ADGRL2: variants seen among roughly 807,000 people sequenced by gnomAD.
ADGRL2 encodes the protein adhesion G protein-coupled receptor L2.
A neutral mutation model predicts 157.4 loss-of-function variants in ADGRL2; 44 were observed. That is an observed-to-expected ratio of 0.28 (90% CI 0.22 to 0.36). ADGRL2 has a LOEUF of 0.36. Among genes scored for constraint, ADGRL2 ranks in the 10% least tolerant of loss-of-function variants. The pLI, the probability that ADGRL2 is intolerant of heterozygous loss-of-function variation, is 1.00. For missense variants in ADGRL2, 1,510 were observed against 1,768.9 expected (o/e 0.85, Z 2.63); for synonymous variants, 585 against 624.7 (o/e 0.94, Z 0.95).
chr1:81,899,213 T>C (rs1020160712), intron 2 of ADGRL2, among the ~76,000 whole-genome samples: 1 of 152,202 alleles, frequency 6.6e-6, no homozygotes, highest in Admixed American at 6.5e-5. Flanking sequence ...AAGCAAATGT[T>C]CCTCAACAAG....
At chr1:81,979,771 A>G (rs1661148981) in intron 17 of ADGRL2, 98 bp from the exon 18 acceptor site, 4 of 677,400 alleles carry the variant, frequency 5.9e-6, no homozygotes, top group African/African-American at 3.6e-5. Context: ...AAATTATATC[A>G]GTATCTTCCA....
chr1:81,402,686 C>T (rs1025906857), intron 1 of ADGRL2, among the ~76,000 whole-genome samples: 9 of 152,172 alleles, frequency 5.9e-5, no homozygotes, highest in African/African-American at 2.2e-4. Flanking sequence ...CTATTGTCTT[C>T]CATTTTCTTA....
At chr1:81,418,195 CAAAA>C (rs147143745) in intron 1 of ADGRL2, among the ~76,000 whole-genome samples, 7,829 of 152,024 alleles carry the variant, frequency 0.051, 228 homozygotes, top group African/African-American at 0.08. Context: ...AACAAACAAA[CAAAA>C]AGGAATAGAT....
chr1:81,966,025 T>A (rs759846187), intron 11 of ADGRL2, 33 bp from the exon 12 acceptor site: 3 of 1,608,136 alleles, frequency 1.9e-6, no homozygotes, highest in African/African-American at 2.7e-5. Context: ...GAATCCTTTT[T>A]TCCCCACCTC....
In ADGRL2 at chr1:81,411,620, C is replaced by T. The variant is rs567944328; in HGVS notation, c.-301-33416C>T. 2.6e-5 allele frequency among the ~76,000 whole-genome samples: 4 copies of T among 152,248 alleles called. No homozygotes were observed. The South Asian group carries it at 6.2e-4, about 24-fold the overall frequency. Reference sequence around the variant, plus strand: ...TAAAGTTTTAAGAAAGGGCCAGGAGCGGTGGCTCACGCCTGTAATCCCAGC... The same window carrying T: ...TAAAGTTTTAAGAAAGGGCCAGGAGTGGTGGCTCACGCCTGTAATCCCAGC... On this transcript the variant is annotated intron_variant, in intron 1 of 24. Transcript: ENST00000370721.
intron 2 of ADGRL2, among the ~76,000 whole-genome samples, chr1:81,553,779 C>T (rs887683841): frequency 6.6e-6 from 1 of 152,194 alleles, no homozygotes; most frequent in African/African-American, 2.4e-5. Context: ...ACAGTGGACT[C>T]TTCCTCAAAG....
chr1:81,532,340 T>C (rs1243427633), intron 2 of ADGRL2, among the ~76,000 whole-genome samples: 1 of 152,192 alleles, frequency 6.6e-6, no homozygotes, highest in Non-Finnish European at 1.5e-5. Flanking sequence ...TTTCCAGTTA[T>C]CCTGCTAGGA....
At chr1:81,621,262 G>A (rs2081784013) in intron 3 of ADGRL2, among the ~76,000 whole-genome samples, 1 of 152,128 alleles carries the variant, frequency 6.6e-6, no homozygotes, top group African/African-American at 2.4e-5. Flanking sequence ...TTTGATTTGT[G>A]AGGTAGGCAG....
chr1:81,671,413 A>C (rs531514855), intron 3 of ADGRL2, among the ~76,000 whole-genome samples: 48 of 152,272 alleles, frequency 3.2e-4, no homozygotes, highest in African/African-American at 1.1e-3. Context: ...CTTGTTTTTA[A>C]ATCAGTGTTT....
chr1:81,812,847 A>G (rs1336564059), intron 1 of ADGRL2, among the ~76,000 whole-genome samples: 3 of 151,824 alleles, frequency 2.0e-5, no homozygotes, highest in African/African-American at 7.2e-5. Flanking sequence ...ATAAGGACCT[A>G]CTATTACATG....
At chr1:81,523,795 G>A (rs1174709379) in intron 2 of ADGRL2, among the ~76,000 whole-genome samples, 2 of 152,196 alleles carry the variant, frequency 1.3e-5, no homozygotes, top group African/African-American at 4.8e-5. Flanking sequence ...CTGGTACGGT[G>A]GCTTGTGCCT....
chr1:81,479,339 T>C (rs1009406851), intron 2 of ADGRL2, among the ~76,000 whole-genome samples: 44 of 149,646 alleles, frequency 2.9e-4, no homozygotes, highest in African/African-American at 1.1e-3. Context: ...AAAAATTAGC[T>C]GGGTGTGGTG....
At position 81,913,506 on chromosome 1, in the gene ADGRL2, G is replaced by A. The variant is rs1002688014; in HGVS notation, c.287+6276G>A. Among the ~76,000 whole-genome samples, 2 of 152,156 alleles carry A rather than the reference G, an allele frequency of 1.3e-5. 1 individual carries two copies. The highest frequency in any genetic ancestry group is 4.1e-4 in the South Asian group (2 of 4,830). ...CCATGACACCTCCCATTCTTGCCAC[G>A]AGGCAAGCCATATAAATAGGGACTC... On this transcript the variant is annotated intron_variant, in intron 3 of 23. Transcript: ENST00000686636.
At position 81,966,070 on chromosome 1, in the gene ADGRL2, C is replaced by T. The variant is rs757872735; in HGVS notation, c.2030C>T (p.Ala677Val). Reference protein sequence around the residue: ...MPTENIVLEVAVLSTEGQIQD... With the variant: ...MPTENIVLEVVVLSTEGQIQD... The stretch of plus-strand genomic sequence containing the variant: ...TTCCCTCATCCAGTCCTGGAAGTTG[C>T]CGTACTCAGTACAGAAGGACAGATC... Residue 677 changes from alanine (A) to valine (V), a missense_variant, in exon 12 of 24, where the codon GCC (alanine) becomes GTC (valine). By Grantham distance (64) the Ala-to-Val change is moderately conservative (BLOSUM62 0). Transcript: ENST00000686636. 1.8e-4 allele frequency: 294 copies of T among 1,613,844 alleles called. No individual in the cohort carries two copies. The highest frequency in any genetic ancestry group is 2.4e-4 in the Non-Finnish European group (286 of 1,179,926).
At chr1:81,932,991 C>T (rs1162725319) in intron 3 of ADGRL2, among the ~76,000 whole-genome samples, 5 of 152,056 alleles carry the variant, frequency 3.3e-5, no homozygotes, top group East Asian at 1.9e-4. Flanking sequence ...TGTGAGCCAC[C>T]GTGCCTGGCC....
At chr1:81,400,361 A>G (rs1298760374) in intron 1 of ADGRL2, among the ~76,000 whole-genome samples, 1 of 152,088 alleles carries the variant, frequency 6.6e-6, no homozygotes, top group Non-Finnish European at 1.5e-5. Context: ...TCTCTGTGGC[A>G]GAGATGAATG....
At chr1:81,986,188 C>T (rs963451561) in intron 21 of ADGRL2, among the ~76,000 whole-genome samples, 20 of 152,022 alleles carry the variant, frequency 1.3e-4, no homozygotes, top group Non-Finnish European at 2.9e-5. Context: ...GAATGAAAGA[C>T]GTGCATTTCT....
Position 81,969,219 on chromosome 1 carries a change from C to T in ADGRL2, c.2565C>T (p.Thr855=). 1 of 1,613,924 alleles carries T rather than the reference C, an allele frequency of 6.2e-7. No individual in the cohort carries two copies. The highest frequency in any genetic ancestry group is 8.5e-7 in the Non-Finnish European group (1 of 1,179,880). The part of the protein sequence containing the change: ...GVHELLLTVI[T]WVGIVISLVC... ...ATGAATTACTTCTTACAGTCATCACCTGGGTGGGAATTGTCATTTCCCTTG... is the reference window on the plus strand; with the variant it reads ...ATGAATTACTTCTTACAGTCATCACTTGGGTGGGAATTGTCATTTCCCTTG... The change falls in exon 15 of 24, where the codon ACC becomes ACT. Residue 855 remains threonine (T), a synonymous_variant. Transcript: ENST00000686636.
intron 2 of ADGRL2, among the ~76,000 whole-genome samples, chr1:81,868,830 C>G (rs2093619522): frequency 1.3e-5 from 2 of 152,156 alleles, no homozygotes; most frequent in South Asian, 4.1e-4. Flanking sequence ...AATGTTGGCT[C>G]TATCTGGGCA....
Sources: gnomAD v4.1 joint callset for allele counts (sites outside exome capture counted in the v4.1 genomes callset) on GRCh38, gnomAD v4.1.1 for gene constraint, MANE v1.5 for transcripts, NCBI Gene and HGNC (gene_info 2026-07-23, HGNC 2026-07-21) for gene names.